CADM1: variants seen among roughly 807,000 people sequenced by gnomAD.
The protein encoded by CADM1 is TSLC-1.
A neutral mutation model predicts 53.1 loss-of-function variants in CADM1; 15 were observed. That is an observed-to-expected ratio of 0.28 (90% confidence interval 0.19 to 0.44). The LOEUF (loss-of-function observed/expected upper bound fraction) is 0.44, where lower values mean the gene tolerates loss of function less well. CADM1 is among the 20% of genes least tolerant of loss of function. CADM1 has a pLI of 1.00. For missense variants in CADM1, 434 were observed against 611.3 expected, an observed-to-expected ratio of 0.71 and a Z score of 3.06; for synonymous variants, 281 against 243.0, an observed-to-expected ratio of 1.16 and a Z score of -1.45.
At chr11:115,458,114 A>G (rs1429463245) in intron 1 of CADM1, among the ~76,000 whole-genome samples, 3 of 57,600 alleles carry the variant, frequency 5.2e-5, no homozygotes, top group African/African-American at 3.0e-4. Context: ...GGGGGATACT[A>G]AAGTCTCTCT....
At position 115,169,342 on chromosome 11, in the gene CADM1, A is replaced by G. The variant is rs573982187; in HGVS notation, c.*7132T>C. On this transcript the variant is annotated 3_prime_UTR_variant, in exon 12 of 12. Coordinates refer to ENST00000331581, the MANE Select transcript of CADM1 (RefSeq NM_001301043.2). ...TCGATGCATTGGTGTCTCTGCAAGGAAATCTATTATTTTCCATAAACTGTC... is the reference window on the plus strand; with the variant it reads ...TCGATGCATTGGTGTCTCTGCAAGGGAATCTATTATTTTCCATAAACTGTC... The G allele has an allele frequency of 1.3e-4, 37 of 289,928 alleles. No individual in the cohort carries two copies. The highest frequency in any genetic ancestry group is 1.2e-3 in the South Asian group (37 of 31,442). 18.0% of individuals were successfully genotyped at this position (289,928 alleles called of 1,614,324 possible). A position where few individuals can be genotyped will look rare whatever the true frequency, so the allele number is the denominator to read the frequency against.
At chr11:115,331,427 T>C (rs1009990868) in intron 1 of CADM1, among the ~76,000 whole-genome samples, 1 of 152,130 alleles carries the variant, frequency 6.6e-6, no homozygotes, top group Admixed American at 6.6e-5. Flanking sequence ...CTGTGAAGCT[T>C]GCCATCATAA....
intron 1 of CADM1, among the ~76,000 whole-genome samples, chr11:115,246,841 A>G (rs1942424571): frequency 6.6e-6 from 1 of 152,202 alleles, no homozygotes; most frequent in Admixed American, 6.5e-5. Context: ...GTGTCACTTG[A>G]GCTTATAAAA....
Position 115,184,200 on chromosome 11 carries a change from T to TA in CADM1, c.1166-5426dup, listed in dbSNP as rs907811349. Among the ~76,000 whole-genome samples the TA allele has an allele frequency of 8.7e-4, 129 of 148,650 alleles. 1 individual carries two copies. Among genetic ancestry groups the TA allele is most frequent in the African/African-American group, 2.6e-3 (107 of 40,508 alleles). ...TCTGAAGCAAAACCATAATCTGACC[T>TA]AAAAAAAAAATGACACTTAAGAAAA... is the stretch of plus-strand genomic sequence containing the variant. On this transcript the variant is annotated intron_variant, in intron 10 of 11. Transcript: ENST00000331581.
chr11:115,220,153 T>C (rs1941351732), intron 5 of CADM1, among the ~76,000 whole-genome samples: 6 of 152,054 alleles, frequency 3.9e-5, no homozygotes, highest in Admixed American at 3.9e-4. Flanking sequence ...TGTGGAAGGA[T>C]TTTGTTTTTC....
intron 1 of CADM1, among the ~76,000 whole-genome samples, chr11:115,308,247 G>GA (rs1944440981): frequency 6.9e-6 from 1 of 144,876 alleles, no homozygotes; most frequent in Admixed American, 7.0e-5. Flanking sequence ...CTTAATTGGT[G>GA]AAAGTTTCCA....
chr11:115,390,613 C>T (rs924741268), intron 1 of CADM1, among the ~76,000 whole-genome samples: 1 of 150,082 alleles, frequency 6.7e-6, no homozygotes, highest in Non-Finnish European at 1.5e-5. Context: ...TGAAACAGCA[C>T]CACCATTCAT....
chr11:115,465,737 A>T (rs1039255126), intron 1 of CADM1, among the ~76,000 whole-genome samples: 1 of 152,056 alleles, frequency 6.6e-6, no homozygotes, highest in South Asian at 2.1e-4. Context: ...CCTCCCTTAG[A>T]TTTTTTTTCC....
At chr11:115,249,908 T>C (rs966136296) in intron 1 of CADM1, among the ~76,000 whole-genome samples, 3 of 152,188 alleles carry the variant, frequency 2.0e-5, no homozygotes, top group Non-Finnish European at 4.4e-5. Context: ...TACTTGCCAT[T>C]ACTAGTTATT....
intron 1 of CADM1, among the ~76,000 whole-genome samples, chr11:115,285,275 C>A (rs1445888973): frequency 6.6e-6 from 1 of 152,168 alleles, no homozygotes; most frequent in African/African-American, 2.4e-5. Flanking sequence ...ATTGTGAACA[C>A]AATTTATAAT....
Position 115,348,187 on chromosome 11 carries a change from G to C in CADM1, c.125-107767C>G, listed in dbSNP as rs2135048447. ...AAAGGTAAGGTAGGTTCTTACTAAA[G>C]CCACACACATGGGTTACTTCTACAT... On this transcript the variant is annotated intron_variant, in intron 1 of 11. Transcript: ENST00000331581. 1.3e-5 allele frequency among the ~76,000 whole-genome samples: 2 copies of C among 152,212 alleles called. 1 individual carries two copies. The highest frequency in any genetic ancestry group is 2.9e-5 in the Non-Finnish European group (2 of 68,014).
chr11:115,237,661 A>C (rs1012202660), intron 3 of CADM1, among the ~76,000 whole-genome samples: 1 of 152,052 alleles, frequency 6.6e-6, no homozygotes, highest in Non-Finnish European at 1.5e-5. Context: ...ATCTTGCCTC[A>C]TGCTATAGTG....
At chr11:115,436,528 C>T (rs1440509721) in intron 1 of CADM1, among the ~76,000 whole-genome samples, 5 of 152,182 alleles carry the variant, frequency 3.3e-5, no homozygotes, top group South Asian at 2.1e-4. Context: ...TTCTTTTGTA[C>T]GAAAATACAG....
chr11:115,400,496 C>T (rs1947108954), intron 1 of CADM1, among the ~76,000 whole-genome samples: 1 of 148,176 alleles, frequency 6.7e-6, no homozygotes, highest in Non-Finnish European at 1.5e-5. Flanking sequence ...AATTAAATTG[C>T]ATTCATACTT....
chr11:115,338,886 T>A (rs1591722889), intron 1 of CADM1, among the ~76,000 whole-genome samples: 1 of 126,248 alleles, frequency 7.9e-6, no homozygotes. Flanking sequence ...TATTTTTTTT[T>A]TTTTAATTTT....
intron 4 of CADM1, among the ~76,000 whole-genome samples, chr11:115,230,603 G>A (rs988828780): frequency 6.6e-6 from 1 of 152,170 alleles, no homozygotes; most frequent in African/African-American, 2.4e-5. Flanking sequence ...TTTATCTGAT[G>A]CAACACCTGA....
intron 1 of CADM1, among the ~76,000 whole-genome samples, chr11:115,503,848 G>A (rs1949790309): frequency 6.6e-6 from 1 of 152,112 alleles, no homozygotes; most frequent in African/African-American, 2.4e-5. Flanking sequence ...CCTCTGGAGA[G>A]GTGGGGGCGA....
intron 11 of CADM1, among the ~76,000 whole-genome samples, chr11:115,177,886 T>C (rs1054774199): frequency 2.6e-5 from 4 of 152,090 alleles, no homozygotes; most frequent in African/African-American, 7.2e-5. Context: ...TCAAGCAGTA[T>C]GCAAGCACCT....
intron 1 of CADM1, among the ~76,000 whole-genome samples, chr11:115,365,481 T>C (rs1946133423): frequency 6.6e-6 from 1 of 152,106 alleles, no homozygotes; most frequent in Non-Finnish European, 1.5e-5. Flanking sequence ...GCATTGTGGG[T>C]ATTGTTTATA....
Sources: allele counts gnomAD v4.1 joint callset (sites outside exome capture counted in the v4.1 genomes callset), GRCh38; gene constraint gnomAD v4.1.1; transcripts MANE v1.5; gene names NCBI Gene and HGNC (gene_info 2026-07-23, HGNC 2026-07-21).